Variants in NCAM1 observed in about 807,000 individuals in gnomAD.
The protein encoded by NCAM1 is antigen recognized by monoclonal antibody 5.1H11.
In NCAM1, 14 loss-of-function variants were observed where a neutral mutation model predicts 109.8. The observed-to-expected ratio is 0.13, with a 90% confidence interval of 0.08 to 0.20. NCAM1 has a LOEUF of 0.20. Among genes scored for constraint, NCAM1 ranks in the 10% least tolerant of loss-of-function variants. The pLI, the probability that NCAM1 is intolerant of heterozygous loss-of-function variation, is 1.00. For synonymous variants in NCAM1, 418 were observed against 442.9 expected (o/e 0.94, Z 0.70); for missense variants, 774 against 1,109.9 (o/e 0.70, Z 4.30).
At chr11:113,013,137 CA>C (rs111786287) in intron 1 of NCAM1, among the ~76,000 whole-genome samples, 6,339 of 151,764 alleles carry the variant, frequency 0.042, 450 homozygotes, top group Admixed American at 0.14. Flanking sequence ...TTTTAAGAAG[CA>C]AAAGAAGGCG....
At chr11:113,031,767 C>T (rs1431471932) in intron 1 of NCAM1, among the ~76,000 whole-genome samples, 2 of 152,088 alleles carry the variant, frequency 1.3e-5, no homozygotes, top group South Asian at 2.1e-4. Flanking sequence ...GGCAGAGCAT[C>T]GCCTGTTCAA....
chr11:113,023,827 T>G (rs1476316357), intron 1 of NCAM1, among the ~76,000 whole-genome samples: 4 of 152,068 alleles, frequency 2.6e-5, no homozygotes, highest in Admixed American at 6.6e-5. Flanking sequence ...TGAAAAGGAC[T>G]CTAGCATTCA....
At chr11:113,204,173 G>A in intron 2 of NCAM1, 113 bp from the exon 3 acceptor site, 4 of 865,014 alleles carry the variant, frequency 4.6e-6, no homozygotes, top group East Asian at 2.6e-5. Context: ...TGATGTTCAA[G>A]CCTTGACTGA....
At chr11:113,216,135 G>C (rs1225819341) in intron 8 of NCAM1, among the ~76,000 whole-genome samples, 1 of 149,154 alleles carries the variant, frequency 6.7e-6, no homozygotes, top group South Asian at 2.1e-4. Flanking sequence ...CTGGCTTGTA[G>C]CTATGATTTC....
At chr11:113,242,042 G>A (rs1463923843) in intron 14 of NCAM1, among the ~76,000 whole-genome samples, 4 of 152,186 alleles carry the variant, frequency 2.6e-5, no homozygotes, top group African/African-American at 7.2e-5. Flanking sequence ...TCACAGCTCC[G>A]CTTCTTCCGC....
intron 5 of NCAM1, among the ~76,000 whole-genome samples, chr11:113,206,712 T>C (rs782590520): frequency 2.0e-5 from 3 of 152,186 alleles, no homozygotes; most frequent in Non-Finnish European, 4.4e-5. Context: ...GTTTTGACTA[T>C]TGACACATAT....
intron 1 of NCAM1, among the ~76,000 whole-genome samples, chr11:113,063,294 ACAGCTGGGTGTGGCCTGC>A (rs1205154101): frequency 6.6e-6 from 1 of 152,202 alleles, no homozygotes; most frequent in African/African-American, 2.4e-5. Flanking sequence ...TATGGGGTAC[ACAGCTGGGTGTGGCCTGC>A]CGTTAATGCC....
At chr11:113,222,739 G>A (rs1208833294) in intron 9 of NCAM1, among the ~76,000 whole-genome samples, 5 of 152,126 alleles carry the variant, frequency 3.3e-5, no homozygotes, top group African/African-American at 1.2e-4. Flanking sequence ...ATTTATCAGG[G>A]AGCATTAAGG....
intron 18 of NCAM1, among the ~76,000 whole-genome samples, chr11:113,270,840 T>C (rs1251057781): frequency 1.3e-5 from 2 of 152,146 alleles, no homozygotes; most frequent in East Asian, 3.9e-4. Flanking sequence ...GGCACATAGG[T>C]ACAACAGGGA....
At chr11:113,239,529 G>A (rs1042422395) in intron 14 of NCAM1, among the ~76,000 whole-genome samples, 1 of 101,954 alleles carries the variant, frequency 9.8e-6, no homozygotes, top group Non-Finnish European at 1.8e-5. Flanking sequence ...TTTTTGAGAC[G>A]GAGTCTCGCT....
intron 1 of NCAM1, among the ~76,000 whole-genome samples, chr11:113,164,313 G>A (rs1166400765): frequency 6.6e-6 from 1 of 152,106 alleles, no homozygotes; most frequent in African/African-American, 2.4e-5. Flanking sequence ...TGGGGCAGGG[G>A]CATTCCCACA....
intron 1 of NCAM1, among the ~76,000 whole-genome samples, chr11:113,139,621 C>T (rs1941738306): frequency 6.6e-6 from 1 of 151,940 alleles, no homozygotes; most frequent in Non-Finnish European, 1.5e-5. Context: ...TAAACCTTAG[C>T]TAAAGTATTT....
chr11:113,020,771 A>G (rs138373854), intron 1 of NCAM1, among the ~76,000 whole-genome samples: 1 of 151,844 alleles, frequency 6.6e-6, no homozygotes. Flanking sequence ...TTATTATTAT[A>G]ATTGGAAGGG....
chr11:113,188,199 C>T (rs782365388), intron 1 of NCAM1, among the ~76,000 whole-genome samples: 9 of 152,130 alleles, frequency 5.9e-5, no homozygotes, highest in East Asian at 3.9e-4. Flanking sequence ...AGACAAAAGA[C>T]GGGCATGTCG....
intron 1 of NCAM1, among the ~76,000 whole-genome samples, chr11:113,009,076 T>A (rs908169242): frequency 3.3e-5 from 5 of 152,186 alleles, no homozygotes; most frequent in Admixed American, 3.3e-4. Flanking sequence ...TTAGTTAGCC[T>A]GAGAAACTGA....
chr11:113,198,122 A>C (rs890699253), intron 1 of NCAM1, among the ~76,000 whole-genome samples: 9 of 152,070 alleles, frequency 5.9e-5, no homozygotes, highest in African/African-American at 1.2e-4. Flanking sequence ...GGAGAGGGAG[A>C]TTGTTTGGTT....
intron 8 of NCAM1, among the ~76,000 whole-genome samples, chr11:113,215,654 T>G (rs1944504500): frequency 6.6e-6 from 1 of 152,222 alleles, no homozygotes; most frequent in African/African-American, 2.4e-5. Context: ...AATAACCTAT[T>G]ATTTTTTGCA....
At chr11:113,025,400 A>G (rs1952506154) in intron 1 of NCAM1, among the ~76,000 whole-genome samples, 1 of 152,172 alleles carries the variant, frequency 6.6e-6, no homozygotes, top group Non-Finnish European at 1.5e-5. Context: ...CTACTTCTGC[A>G]TCATGAATGC....
intron 1 of NCAM1, among the ~76,000 whole-genome samples, chr11:113,107,963 G>A (rs561378609): frequency 6.6e-6 from 1 of 152,258 alleles, no homozygotes; most frequent in African/African-American, 2.4e-5. Context: ...CCTAGGTCAA[G>A]TTAGAATTTC....
Sources: allele counts gnomAD v4.1 joint callset (sites outside exome capture counted in the v4.1 genomes callset), GRCh38; gene constraint gnomAD v4.1.1; transcripts MANE v1.5; gene names NCBI Gene and HGNC (gene_info 2026-07-23, HGNC 2026-07-21).